SLC14A2: variants seen among roughly 807,000 people sequenced by gnomAD.
SLC14A2 encodes the protein solute carrier family 14 member 2.
Under a neutral mutation model 104.6 loss-of-function variants are expected in SLC14A2, and 91 were observed. The observed-to-expected ratio is 0.87, with a 90% confidence interval of 0.73 to 1.04. The LOEUF (loss-of-function observed/expected upper bound fraction) is 1.04, where lower values mean the gene tolerates loss of function less well. Ranked by LOEUF, SLC14A2 falls within the 50% of genes least tolerant of loss-of-function variation. The pLI, the probability that SLC14A2 is intolerant of heterozygous loss-of-function variation, is 0.00. For synonymous variants in SLC14A2, 476 were observed against 466.4 expected, an observed-to-expected ratio of 1.02 and a Z score of -0.27; for missense variants, 1,189 against 1,156.0, an observed-to-expected ratio of 1.03 and a Z score of -0.41.
chr18:45,200,843 A>C, the SLC14A2 span, among the ~76,000 whole-genome samples: 1 of 152,160 alleles, frequency 6.6e-6, no homozygotes, highest in African/African-American at 2.4e-5. Flanking sequence ...GCTTGCCTCT[A>C]TTAACAACTT....
At position 45,605,747 on chromosome 18, in the gene SLC14A2, C is replaced by T. The variant is rs564387399; in HGVS notation, c.-34-18884C>T. 2.6e-5 allele frequency among the ~76,000 whole-genome samples: 4 copies of T among 152,272 alleles called. No homozygotes were observed. The East Asian group carries it at 7.7e-4, about 29-fold the overall frequency. ...CCTCACTCCCAATGCAATGATTTTT[C>T]TTCTGATTTGCCATGTCAGAGAACA... On this transcript the variant is annotated intron_variant, in intron 2 of 20. Transcript: ENST00000586448.
upstream of SLC14A2, among the ~76,000 whole-genome samples, chr18:45,209,039 A>AC (rs1367834581): frequency 1.3e-5 from 2 of 149,998 alleles, no homozygotes; most frequent in African/African-American, 2.5e-5. Flanking sequence ...AAAAAAAAAA[A>AC]AACAACAACA....
chr18:45,170,899 TG>T, the SLC14A2 span, among the ~76,000 whole-genome samples: 1 of 152,096 alleles, frequency 6.6e-6, no homozygotes. Flanking sequence ...AAGGTGCCAT[TG>T]GGGGTAGGAG....
chr18:45,538,253 C>T (rs1387471860), intron 2 of SLC14A2, among the ~76,000 whole-genome samples: 1 of 152,204 alleles, frequency 6.6e-6, no homozygotes, highest in Non-Finnish European at 1.5e-5. Flanking sequence ...TGCAGGAGAG[C>T]CTTTGAAATA....
At chr18:45,394,207 T>C (rs1333724993) in intron 1 of SLC14A2, among the ~76,000 whole-genome samples, 1 of 152,242 alleles carries the variant, frequency 6.6e-6, no homozygotes, top group African/African-American at 2.4e-5. Flanking sequence ...CTCACCTCTA[T>C]GTTTTTCTCA....
At chr18:45,571,626 A>C (rs2044346872) in intron 2 of SLC14A2, among the ~76,000 whole-genome samples, 1 of 152,354 alleles carries the variant, frequency 6.6e-6, no homozygotes, top group Admixed American at 6.5e-5. Flanking sequence ...ATTACACAGA[A>C]GTCTTAAGAT....
chr18:45,328,502 G>A (rs1254675407), intron 1 of SLC14A2, among the ~76,000 whole-genome samples: 1 of 152,202 alleles, frequency 6.6e-6, no homozygotes, highest in Non-Finnish European at 1.5e-5. Context: ...AGACAACTCA[G>A]TCTTGAGATT....
chr18:45,530,143 G>A (rs2043660526), intron 2 of SLC14A2, among the ~76,000 whole-genome samples: 1 of 152,172 alleles, frequency 6.6e-6, no homozygotes, highest in Non-Finnish European at 1.5e-5. Flanking sequence ...TTTCATTCAT[G>A]AAGTGTTTAT....
intron 1 of SLC14A2, among the ~76,000 whole-genome samples, chr18:45,328,180 A>G (rs1455753581): frequency 6.6e-6 from 1 of 152,146 alleles, no homozygotes; most frequent in African/African-American, 2.4e-5. Context: ...AGGCCTGTTT[A>G]TCTGACTCTT....
the SLC14A2 span, among the ~76,000 whole-genome samples, chr18:45,202,183 A>G: frequency 6.6e-6 from 1 of 152,246 alleles, no homozygotes; most frequent in South Asian, 2.1e-4. Context: ...CCAGACTCCA[A>G]AGTCTGGTTT....
intron 10 of SLC14A2, among the ~76,000 whole-genome samples, chr18:45,662,771 C>T (rs1024159066): frequency 1.3e-5 from 2 of 152,076 alleles, no homozygotes; most frequent in African/African-American, 2.4e-5. Flanking sequence ...TTCTACTGTT[C>T]CAAGCAGCTG....
At chr18:45,439,215 G>A (rs1243965605) in intron 1 of SLC14A2, among the ~76,000 whole-genome samples, 1 of 152,074 alleles carries the variant, frequency 6.6e-6, no homozygotes, top group Admixed American at 6.6e-5. Context: ...GAAGTTTGAG[G>A]TTACAGTGAA....
At chr18:45,238,377 C>T (rs937213244) in intron 1 of SLC14A2, among the ~76,000 whole-genome samples, 9 of 152,106 alleles carry the variant, frequency 5.9e-5, no homozygotes, top group Non-Finnish European at 1.0e-4. Flanking sequence ...CCTGAGAGAG[C>T]GGTTAGAGTG....
At chr18:45,350,243 G>C (rs556262855) in intron 1 of SLC14A2, among the ~76,000 whole-genome samples, 2 of 152,150 alleles carry the variant, frequency 1.3e-5, no homozygotes, top group African/African-American at 4.8e-5. Flanking sequence ...AATAAATGTC[G>C]TTAAAAACCA....
intron 1 of SLC14A2, among the ~76,000 whole-genome samples, chr18:45,386,194 A>G (rs1414597290): frequency 1.3e-5 from 2 of 152,174 alleles, no homozygotes; most frequent in South Asian, 2.1e-4. Context: ...GAGAAGCTAC[A>G]TCTGTCTAGC....
intron 2 of SLC14A2, chr18:45,542,375 G>A (rs1025096058): frequency 6.6e-6 from 1 of 151,932 alleles, no homozygotes; most frequent in Admixed American, 6.6e-5. Context: ...AGTGTCTCAA[G>A]CATAAAAGGT....
intron 1 of SLC14A2, among the ~76,000 whole-genome samples, chr18:45,259,232 T>C (rs901839016): frequency 1.3e-5 from 2 of 152,202 alleles, no homozygotes; most frequent in Non-Finnish European, 2.9e-5. Context: ...TTTTTAGGGT[T>C]AGGACAGCAA....
intron 1 of SLC14A2, among the ~76,000 whole-genome samples, chr18:45,473,256 A>C (rs1396584290): frequency 1.3e-5 from 2 of 152,220 alleles, no homozygotes; most frequent in Non-Finnish European, 2.9e-5. Context: ...TGGTACCAGT[A>C]CCATGCTGTT....
chr18:45,305,064 C>T (rs1196313378), intron 1 of SLC14A2, among the ~76,000 whole-genome samples: 1 of 152,186 alleles, frequency 6.6e-6, no homozygotes, highest in Non-Finnish European at 1.5e-5. Context: ...GTGCCTCTAG[C>T]CTGACTTGTG....
Sources: gnomAD v4.1 joint callset for allele counts (sites outside exome capture counted in the v4.1 genomes callset) on GRCh38, gnomAD v4.1.1 for gene constraint, MANE v1.5 for transcripts, NCBI Gene and HGNC (gene_info 2026-07-23, HGNC 2026-07-21) for gene names.